RIF1: variants seen among roughly 807,000 people sequenced by gnomAD.
RIF1 encodes the protein replication timing regulatory factor 1.
Under a neutral mutation model 247.1 loss-of-function variants are expected in RIF1, and 45 were observed. The observed-to-expected ratio is 0.18, with a 90% confidence interval of 0.14 to 0.23. The LOEUF (loss-of-function observed/expected upper bound fraction) is 0.23. RIF1 is among the 10% of genes least tolerant of loss of function. The probability of loss-of-function intolerance (pLI) is 1.00; values close to 1 mark genes in which losing one functional copy is unlikely to be tolerated. For missense variants in RIF1, 2,967 were observed against 2,862.5 expected (o/e 1.04, Z -0.83); for synonymous variants, 1,087 against 978.8 (o/e 1.11, Z -2.06).
chr2:151,433,254 C>T (rs772854145), intron 10 of RIF1, 26 bp downstream of exon 10: 1 of 1,558,942 alleles, frequency 6.4e-7, no homozygotes. Flanking sequence ...TTGACTATAG[C>T]ACTTTATGTT....
At chr2:151,438,544 G>A (rs1691669859) in intron 13 of RIF1, 140 bp from the exon 14 acceptor site, 1 of 633,148 alleles carries the variant, frequency 1.6e-6, no homozygotes, top group East Asian at 2.8e-5. Flanking sequence ...CTTACTACAG[G>A]GTTGAGTATC....
rs1203369297 is a variant in RIF1, at chr2:151,506,270, G to GAATC, written c.*924_*927dup. 1 of 1,589,012 alleles carries GAATC rather than the reference G, an allele frequency of 6.3e-7. No homozygotes were observed. Among genetic ancestry groups the GAATC allele is most frequent in the Non-Finnish European group, 8.6e-7 (1 of 1,157,424 alleles). Reference sequence around the variant, plus strand: ...TCTTTATATAAAACCTGGGCATTCAGAATCAGGACAGTGTTAACACAGAAG... The same window carrying GAATC: ...TCTTTATATAAAACCTGGGCATTCAGAATCAATCAGGACAGTGTTAACACAGAAG... On this transcript the variant is annotated 3_prime_UTR_variant and NMD_transcript_variant, in exon 13 of 14. Coordinates refer to the RIF1 transcript ENST00000454583.
At chr2:151,439,079 C>G (rs1048786431) in intron 14 of RIF1, among the ~76,000 whole-genome samples, 7 of 152,198 alleles carry the variant, frequency 4.6e-5, no homozygotes, top group Middle Eastern at 3.4e-3. Context: ...ATGCTGTGTT[C>G]ATTAACAATA....
At position 151,416,847 on chromosome 2, in the gene RIF1, A is replaced by G; in HGVS notation, c.449A>G (p.Lys150Arg). ...GATTCATTAGAAATACTGTTTAACA[A>G]AGGAGAGACGCATTCTGCTGTTGTT... ...IIDSLEILFN[K>R]GETHSAVVDF... Residue 150 changes from lysine to arginine, a missense_variant, in exon 6 of 36, where the codon AAA (lysine) becomes AGA (arginine). This residue lies in a region of RIF1 where 269 missense variants were observed against 288.6 expected (regional missense o/e 0.93). Coordinates refer to ENST00000444746, the MANE Select transcript of RIF1 (RefSeq NM_018151.5). The G allele has an allele frequency of 6.2e-7, 1 of 1,613,072 alleles. No homozygotes were observed. Among genetic ancestry groups the G allele is most frequent in the South Asian group, 1.1e-5 (1 of 90,910 alleles).
intron 11 of RIF1, among the ~76,000 whole-genome samples, chr2:151,436,241 A>G (rs1691177296): frequency 6.6e-6 from 1 of 151,970 alleles, no homozygotes; most frequent in African/African-American, 2.4e-5. Flanking sequence ...AAACAAAATA[A>G]AACAAAAACA....
chr2:151,506,822 G>A (rs2069394559), intron 13 of RIF1: 2 of 859,026 alleles, frequency 2.3e-6, no homozygotes, highest in South Asian at 2.9e-5. Context: ...TGTTAATTGT[G>A]TGTATCAATA....
intron 30 of RIF1, among the ~76,000 whole-genome samples, chr2:151,467,646 TTC>T (rs1179594132): frequency 2.0e-5 from 3 of 152,146 alleles, no homozygotes; most frequent in African/African-American, 7.2e-5. Flanking sequence ...CCTGGCACAT[TTC>T]TGTTTTTACA....
intron 9 of RIF1, chr2:151,491,818 T>G: frequency 6.9e-7 from 1 of 1,452,546 alleles, no homozygotes; most frequent in Non-Finnish European, 9.4e-7. Context: ...TCTTGGAGTT[T>G]TCCAATAACT....
At chr2:151,503,579 A>G in intron 12 of RIF1, 1 of 562,210 alleles carries the variant, frequency 1.8e-6, no homozygotes. Context: ...ACAGGGGGGA[A>G]AATTCCATGA....
At chr2:151,499,871 T>C (rs1367278657) in intron 11 of RIF1, among the ~76,000 whole-genome samples, 1 of 152,222 alleles carries the variant, frequency 6.6e-6, no homozygotes, top group Non-Finnish European at 1.5e-5. Context: ...ATATGTGGCA[T>C]TGTCTATTTT....
the RIF1 span, chr2:151,532,103 T>C: frequency 8.7e-6 from 4 of 461,708 alleles, no homozygotes; most frequent in Admixed American, 7.7e-5. Context: ...TTTCCTTTTT[T>C]TGTTTCCCTC....
rs750463768 is a variant in RIF1 at position 151,468,498 on chromosome 2, T to G, written c.6772T>G (p.Phe2258Val). The change falls in exon 32 of 36, where the codon TTT (phenylalanine) becomes GTT (valine). Residue 2258 changes from phenylalanine (F) to valine (V), a missense_variant. Phe to Val is a conservative substitution (Grantham distance 50). Around this residue, in one of 7 missense-constraint regions of RIF1, gnomAD observed 2,028 missense variants for 1,825.6 expected, o/e 1.11. Coordinates refer to ENST00000444746, the MANE Select transcript of RIF1 (RefSeq NM_018151.5). ...GCATAATACCACTTCAGCCAAAGGA[T>G]TTCTGTCCCCAGGATCACGTAGCCC... ...SKHNTTSAKG[F>V]LSPGSRSPKF... is the part of the protein sequence containing the mutation. 3 of 1,613,572 alleles carry G rather than the reference T, an allele frequency of 1.9e-6. No individual in the cohort carries two copies. The highest frequency in any genetic ancestry group is 2.5e-6 in the Non-Finnish European group (3 of 1,179,496).
At chr2:151,531,659 G>T in the RIF1 span, 1 of 709,936 alleles carries the variant, frequency 1.4e-6, no homozygotes, top group Non-Finnish European at 2.5e-6. Context: ...TGCATAACAG[G>T]ACATCTCGCA....
At chr2:151,501,333 C>T (rs914481670) in intron 11 of RIF1, 5 of 1,159,922 alleles carry the variant, frequency 4.3e-6, no homozygotes, top group East Asian at 5.1e-5. Context: ...GTGAGATGTT[C>T]TGTTTTGTAG....
At chr2:151,466,258 G>A (rs1470489146) in intron 30 of RIF1, 138 bp downstream of exon 30, 4 of 597,052 alleles carry the variant, frequency 6.7e-6, no homozygotes, top group African/African-American at 1.9e-5. Context: ...TGGTTGCTAG[G>A]GAAAAGGTAG....
At chr2:151,519,012 A>G in the RIF1 span, 8 of 1,613,560 alleles carry the variant, frequency 5.0e-6, no homozygotes, top group Non-Finnish European at 5.9e-6. Flanking sequence ...ATGATCAGAG[A>G]CTCCTTCATG....
intron 15 of RIF1, among the ~76,000 whole-genome samples, chr2:151,441,388 G>A (rs1309525482): frequency 6.6e-6 from 1 of 152,066 alleles, no homozygotes; most frequent in Non-Finnish European, 1.5e-5. Context: ...AAAAAACATA[G>A]AAATAGCCCC....
rs1018600273 is a variant in RIF1, at chr2:151,465,084, C to A, written c.5564C>A (p.Pro1855His). Residue 1855 changes from proline to histidine, a missense_variant, in exon 30 of 36, where the codon CCT (proline) becomes CAT (histidine). Physicochemically the swap from Pro to His is moderately conservative, Grantham distance 77 (BLOSUM62 -2). Coordinates refer to ENST00000444746, the MANE Select transcript of RIF1 (RefSeq NM_018151.5). ...ATGTCTCTTGAAAGCCAGGAGTCACCTAATGAAAATTTTAAAACTGTTGGC... is the reference window on the plus strand; with the variant it reads ...ATGTCTCTTGAAAGCCAGGAGTCACATAATGAAAATTTTAAAACTGTTGGC... ...EAMSLESQES[P>H]NENFKTVGPC... 2 of 1,602,460 alleles carry A rather than the reference C, an allele frequency of 1.2e-6. No homozygotes were observed. Among genetic ancestry groups the A allele is most frequent in the East Asian group, 2.2e-5 (1 of 44,826 alleles).
chr2:151,423,121 G>T, intron 8 of RIF1, 79 bp downstream of exon 8: 1 of 771,990 alleles, frequency 1.3e-6, no homozygotes, highest in Non-Finnish European at 2.2e-6. Flanking sequence ...TTGTACAGTT[G>T]ATGCTCATTA....
Sources: gnomAD v4.1 joint callset for allele counts (sites outside exome capture counted in the v4.1 genomes callset) on GRCh38, gnomAD v4.1.1 for gene constraint, gnomAD v4.1.1 regional missense constraint, MANE v1.5 for transcripts, NCBI Gene and HGNC (gene_info 2026-07-23, HGNC 2026-07-21) for gene names.